ZNF385B: variants seen among roughly 807,000 people sequenced by gnomAD.
The protein encoded by ZNF385B is zinc finger protein 533.
In ZNF385B, 23 loss-of-function variants were observed where a neutral mutation model predicts 39.2. The ratio of observed to expected loss-of-function variants is 0.59; its 90% CI spans 0.42 to 0.83. The LOEUF is 0.83. Among genes scored for constraint, ZNF385B ranks in the 40% least tolerant of loss-of-function variants. The pLI is 0.00. For missense variants in ZNF385B, 552 were observed against 598.9 expected (o/e 0.92, Z 0.82); for synonymous variants, 205 against 222.6 (o/e 0.92, Z 0.70).
chr2:179,475,251 ATTTT>A (rs767500606), intron 6 of ZNF385B, among the ~76,000 whole-genome samples: 3 of 136,948 alleles, frequency 2.2e-5, no homozygotes, highest in East Asian at 2.2e-4. Context: ...TTATCGCACA[ATTTT>A]TTTTTTTTTT....
At position 179,493,378 on chromosome 2, in the gene ZNF385B, C is replaced by T. The variant is rs571912375; in HGVS notation, c.553-9944G>A. ...ATATATATATGTAGGTTTGTGTGCGCGCGCACATATATGTATGCATACATA... is the reference window on the plus strand; with the variant it reads ...ATATATATATGTAGGTTTGTGTGCGTGCGCACATATATGTATGCATACATA... On this transcript the variant is annotated intron_variant, in intron 5 of 9. Transcript: ENST00000410066. 9.3e-4 allele frequency among the ~76,000 whole-genome samples: 141 copies of T among 150,868 alleles called. 1 individual carries two copies. Among genetic ancestry groups the T allele is most frequent in the South Asian group, 2.9e-3 (14 of 4,784 alleles).
chr2:179,663,901 G>C (rs895275395), intron 3 of ZNF385B, among the ~76,000 whole-genome samples: 4 of 151,842 alleles, frequency 2.6e-5, no homozygotes, highest in African/African-American at 7.3e-5. Context: ...AATTGTCCAG[G>C]GTCACAAATC....
intron 3 of ZNF385B, among the ~76,000 whole-genome samples, chr2:179,658,230 A>T (rs1340657400): frequency 2.6e-5 from 4 of 152,230 alleles, no homozygotes; most frequent in Non-Finnish European, 5.9e-5. Context: ...CACTTCACAC[A>T]AGCGTAGGTG....
At chr2:179,511,480 C>T (rs184965073) in intron 5 of ZNF385B, among the ~76,000 whole-genome samples, 318 of 152,208 alleles carry the variant, frequency 2.1e-3, no homozygotes, top group African/African-American at 6.7e-3. Flanking sequence ...ACCTAAATTG[C>T]CTTATCCAAA....
intron 5 of ZNF385B, among the ~76,000 whole-genome samples, chr2:179,497,916 T>C (rs1209616326): frequency 6.6e-6 from 1 of 152,110 alleles, no homozygotes; most frequent in African/African-American, 2.4e-5. Context: ...GGAGTTGCTA[T>C]ATCTTATATT....
At position 179,810,203 on chromosome 2, in the gene ZNF385B, T is replaced by A. The variant is rs190113303; in HGVS notation, c.-154-39531A>T. On this transcript the variant is annotated intron_variant, in intron 1 of 9. Coordinates refer to ENST00000410066, the MANE Select transcript of ZNF385B (RefSeq NM_152520.6). ...AGATAGGAAGAGCTTTTAAAAAAAA[T>A]TTTTAAGTGATTGTTTTATAAAGGA... Among the ~76,000 whole-genome samples the A allele has an allele frequency of 5.4e-3, 824 of 151,914 alleles. 8 individuals are homozygous for A. The highest frequency in any genetic ancestry group is 0.012 in the African/African-American group (506 of 41,546).
At chr2:179,858,516 C>G (rs1029618807) in intron 1 of ZNF385B, among the ~76,000 whole-genome samples, 1 of 151,170 alleles carries the variant, frequency 6.6e-6, no homozygotes, top group Non-Finnish European at 1.5e-5. Flanking sequence ...AAGGAGATAA[C>G]CTATAATCTA....
intron 1 of ZNF385B, among the ~76,000 whole-genome samples, chr2:179,822,380 C>A (rs942797044): frequency 6.6e-6 from 1 of 152,208 alleles, no homozygotes; most frequent in African/African-American, 2.4e-5. Flanking sequence ...TGCTAAAGTA[C>A]TTTAACATTC....
Position 179,612,356 on chromosome 2 carries a change from T to A in ZNF385B, c.299-67387A>T, listed in dbSNP as rs549956729. 3.0e-3 allele frequency among the ~76,000 whole-genome samples: 456 copies of A among 152,326 alleles called. 1 individual carries two copies. Among genetic ancestry groups the A allele is most frequent in the African/African-American group, 9.5e-3 (393 of 41,580 alleles). ...CACAGTCTGAGTTTGTTTGTATGCA[T>A]CCTTCTTGGAGAGGCTTTCCAAGTA... On this transcript the variant is annotated intron_variant, in intron 3 of 9. Coordinates refer to ENST00000410066, the MANE Select transcript of ZNF385B (RefSeq NM_152520.6).
chr2:179,712,865 T>C (rs1476181648), intron 3 of ZNF385B, among the ~76,000 whole-genome samples: 1 of 152,188 alleles, frequency 6.6e-6, no homozygotes, highest in Non-Finnish European at 1.5e-5. Flanking sequence ...TATTTAGACT[T>C]TGTTATGGTG....
intron 1 of ZNF385B, among the ~76,000 whole-genome samples, chr2:179,860,028 C>T (rs979370984): frequency 1.3e-5 from 2 of 152,110 alleles, no homozygotes; most frequent in African/African-American, 4.8e-5. Flanking sequence ...ATTGTGTGGA[C>T]GCTGCCAGTT....
intron 3 of ZNF385B, among the ~76,000 whole-genome samples, chr2:179,654,220 A>G (rs998963376): frequency 2.0e-5 from 3 of 152,168 alleles, no homozygotes; most frequent in Middle Eastern, 3.2e-3. Flanking sequence ...GTACACAGGT[A>G]TACCGTGTCT....
rs928577496 is a variant in ZNF385B, at chr2:179,442,484, T to C, written c.*766A>G. The stretch of plus-strand genomic sequence containing the variant: ...AAAAATAGCAAACAGGTAGTAATTA[T>C]AGCTATGTTATATGGCTTTCTATTT... On this transcript the variant is annotated 3_prime_UTR_variant, in exon 10 of 10. Coordinates refer to ENST00000410066, the MANE Select transcript of ZNF385B (RefSeq NM_152520.6). The C allele has an allele frequency of 3.9e-5, 6 of 152,684 alleles. No individual in the cohort carries two copies. Among genetic ancestry groups the C allele is most frequent in the East Asian group, 1.9e-4 (1 of 5,204 alleles). 9.5% of individuals were successfully genotyped at this position (152,684 alleles called of 1,614,324 possible). A position where few individuals can be genotyped will look rare whatever the true frequency, so the allele number is the denominator to read the frequency against.
intron 1 of ZNF385B, among the ~76,000 whole-genome samples, chr2:179,839,174 CG>C (rs2106612438): frequency 6.6e-6 from 1 of 152,224 alleles, no homozygotes; most frequent in African/African-American, 2.4e-5. Flanking sequence ...TCCTTGAAAG[CG>C]TATTTGGCAT....
intron 3 of ZNF385B, among the ~76,000 whole-genome samples, chr2:179,575,673 G>GA (rs1187993653): frequency 2.6e-5 from 4 of 151,448 alleles, no homozygotes; most frequent in Non-Finnish European, 5.9e-5. Context: ...AGAATATCAA[G>GA]AAAAAAAAGA....
chr2:179,444,309 T>C (rs2049252683), intron 9 of ZNF385B, among the ~76,000 whole-genome samples: 1 of 152,210 alleles, frequency 6.6e-6, no homozygotes, highest in Non-Finnish European at 1.5e-5. Flanking sequence ...TCTATCCATC[T>C]TGGTATTTAT....
intron 1 of ZNF385B, among the ~76,000 whole-genome samples, chr2:179,852,750 ATACT>A (rs1684281253): frequency 6.6e-6 from 1 of 152,142 alleles, no homozygotes; most frequent in Non-Finnish European, 1.5e-5. Flanking sequence ...ATCACCCGGG[ATACT>A]TACTTAGATT....
At chr2:179,680,604 G>A (rs1390294853) in intron 3 of ZNF385B, among the ~76,000 whole-genome samples, 8 of 152,078 alleles carry the variant, frequency 5.3e-5, no homozygotes, top group Non-Finnish European at 1.2e-4. Flanking sequence ...TAGGACAAAC[G>A]ATTAGGATTT....
intron 3 of ZNF385B, among the ~76,000 whole-genome samples, chr2:179,615,558 T>A (rs1378523222): frequency 2.0e-5 from 3 of 152,200 alleles, no homozygotes; most frequent in Non-Finnish European, 4.4e-5. Flanking sequence ...ATGGGAAAAA[T>A]CAAGGTGCTC....
Sources: allele counts gnomAD v4.1 joint callset (sites outside exome capture counted in the v4.1 genomes callset), GRCh38; gene constraint gnomAD v4.1.1; transcripts MANE v1.5; gene names NCBI Gene and HGNC (gene_info 2026-07-23, HGNC 2026-07-21).